The following ZDHHC14 variants were observed in gnomAD, a reference collection of about 807,000 sequenced individuals.
The protein encoded by ZDHHC14 is zDHHC palmitoyltransferase 14, also known as palmitoyltransferase ZDHHC14.
Under a neutral mutation model 47.7 loss-of-function variants are expected in ZDHHC14, and 16 were observed. The observed-to-expected ratio is 0.34, with a 90% CI of 0.23 to 0.51. ZDHHC14 has a LOEUF of 0.51. Among genes scored for constraint, ZDHHC14 ranks in the 20% least tolerant of loss-of-function variants. ZDHHC14 has a pLI of 0.97. For synonymous variants in ZDHHC14, 293 were observed against 278.9 expected, an observed-to-expected ratio of 1.05 and a Z score of -0.50; for missense variants, 515 against 662.5, an observed-to-expected ratio of 0.78 and a Z score of 2.44.
At chr6:157,537,443 A>G (rs973070767) in intron 1 of ZDHHC14, among the ~76,000 whole-genome samples, 2 of 152,230 alleles carry the variant, frequency 1.3e-5, no homozygotes, top group African/African-American at 2.4e-5. Context: ...TTGCTGATGT[A>G]TATGATTGGA....
chr6:157,523,407 T>G (rs1383319941), intron 1 of ZDHHC14, among the ~76,000 whole-genome samples: 1 of 152,164 alleles, frequency 6.6e-6, no homozygotes, highest in Non-Finnish European at 1.5e-5. Context: ...TTCCTTTTTG[T>G]GTATCCTCTT....
chr6:157,641,807 C>T (rs767815909), intron 5 of ZDHHC14, among the ~76,000 whole-genome samples: 4 of 152,178 alleles, frequency 2.6e-5, no homozygotes, highest in South Asian at 2.1e-4. Flanking sequence ...GTGTTTCTTA[C>T]GTTTGGTGCA....
intron 1 of ZDHHC14, among the ~76,000 whole-genome samples, chr6:157,479,645 G>A (rs1319406384): frequency 3.9e-5 from 6 of 152,236 alleles, no homozygotes; most frequent in Non-Finnish European, 7.3e-5. Flanking sequence ...TCTCAAAGGT[G>A]TAAACAGAAG....
At chr6:157,625,754 T>C (rs1157188965) in intron 3 of ZDHHC14, among the ~76,000 whole-genome samples, 3 of 151,972 alleles carry the variant, frequency 2.0e-5, no homozygotes, top group African/African-American at 7.3e-5. Flanking sequence ...ATGAAAAATA[T>C]TCAGTAGGAT....
intron 1 of ZDHHC14, among the ~76,000 whole-genome samples, chr6:157,465,858 A>G (rs1287998831): frequency 6.6e-6 from 1 of 152,112 alleles, no homozygotes; most frequent in East Asian, 1.9e-4. Flanking sequence ...CCTGGCCCAC[A>G]CGGCGAAACC....
chr6:157,384,564 A>G (rs757080583), intron 1 of ZDHHC14, among the ~76,000 whole-genome samples: 6 of 152,114 alleles, frequency 3.9e-5, no homozygotes, highest in Non-Finnish European at 8.8e-5. Context: ...TTTGCTCTCC[A>G]TGGTTGTTGC....
chr6:157,469,087 G>A (rs1779293401), intron 1 of ZDHHC14, among the ~76,000 whole-genome samples: 1 of 152,192 alleles, frequency 6.6e-6, no homozygotes, highest in Admixed American at 6.5e-5. Flanking sequence ...AGGTGAATCT[G>A]GCAGCAGAAT....
chr6:157,414,366 C>G (rs1777932046), intron 1 of ZDHHC14, among the ~76,000 whole-genome samples: 1 of 152,200 alleles, frequency 6.6e-6, no homozygotes. Context: ...CCCCAGTGAT[C>G]TCAGGTTCTA....
intron 1 of ZDHHC14, among the ~76,000 whole-genome samples, chr6:157,417,232 C>G (rs968390675): frequency 6.1e-4 from 93 of 152,122 alleles, no homozygotes; most frequent in African/African-American, 2.2e-3. Context: ...CTGTATGCTC[C>G]TTAGTTCCAG....
rs1777203159 is a variant in ZDHHC14, at chr6:157,381,273, G to A, written c.-749G>A. The A allele has an allele frequency of 6.6e-6, 1 of 152,248 alleles. No individual in the cohort carries two copies. Among genetic ancestry groups the A allele is most frequent in the Non-Finnish European group, 1.5e-5 (1 of 68,698 alleles). 9.4% of individuals were successfully genotyped at this position (152,248 alleles called of 1,614,324 possible). ...CTTCCTCCGGGTAGGAGGGAGCAAG[G>A]GAGCCCTCGCCGCGCGGCCCGCGAG... is the stretch of plus-strand genomic sequence containing the variant. On this transcript the variant is annotated 5_prime_UTR_variant, in exon 1 of 9. Coordinates refer to ENST00000359775, the MANE Select transcript of ZDHHC14 (RefSeq NM_024630.3).
chr6:157,617,021 C>T (rs1040018956), intron 3 of ZDHHC14, among the ~76,000 whole-genome samples: 1 of 152,118 alleles, frequency 6.6e-6, no homozygotes, highest in Non-Finnish European at 1.5e-5. Flanking sequence ...GGCGGAAAGC[C>T]AAGCACCATC....
At chr6:157,624,679 CACTA>C (rs561774846) in intron 3 of ZDHHC14, among the ~76,000 whole-genome samples, 90 of 152,326 alleles carry the variant, frequency 5.9e-4, no homozygotes, top group African/African-American at 2.1e-3. Context: ...CTTTGCGATA[CACTA>C]ACTGTGTGAC....
At chr6:157,500,301 G>C (rs1780165894) in intron 1 of ZDHHC14, among the ~76,000 whole-genome samples, 1 of 152,312 alleles carries the variant, frequency 6.6e-6, no homozygotes, top group South Asian at 2.1e-4. Flanking sequence ...GAGAACAAGA[G>C]AGTGAGTGGG....
chr6:157,560,790 G>A (rs1256908254), intron 2 of ZDHHC14, among the ~76,000 whole-genome samples: 1 of 152,188 alleles, frequency 6.6e-6, no homozygotes, highest in Non-Finnish European at 1.5e-5. Context: ...GGGGCTTTGT[G>A]TTTTCATCTG....
rs147948732 is a variant in ZDHHC14 at position 157,418,858 on chromosome 6, G to A, written c.245+36592G>A. Among the ~76,000 whole-genome samples, 6 of 152,310 alleles carry A rather than the reference G, an allele frequency of 3.9e-5. No homozygotes were observed. In the East Asian group the frequency reaches 1.2e-3, roughly 29 times the overall value. ...GTCAGAGCCCCACACATATGTCCAAGATAAGGCTATTTAAAGACAGAGTTA... is the reference window on the plus strand; with the variant it reads ...GTCAGAGCCCCACACATATGTCCAAAATAAGGCTATTTAAAGACAGAGTTA... On this transcript the variant is annotated intron_variant, in intron 1 of 8. Transcript: ENST00000359775.
chr6:157,640,065 C>T (rs559125876), intron 5 of ZDHHC14, among the ~76,000 whole-genome samples: 1 of 152,260 alleles, frequency 6.6e-6, no homozygotes, highest in South Asian at 2.1e-4. Context: ...CTTGGCTTCT[C>T]CGATTCGCGG....
intron 1 of ZDHHC14, among the ~76,000 whole-genome samples, chr6:157,418,252 T>C (rs1432672268): frequency 6.6e-6 from 1 of 152,210 alleles, no homozygotes; most frequent in Admixed American, 6.5e-5. Context: ...TAGAGGTCAG[T>C]TTTTACACTT....
At chr6:157,603,046 C>T (rs1370315909) in intron 3 of ZDHHC14, among the ~76,000 whole-genome samples, 1 of 152,204 alleles carries the variant, frequency 6.6e-6, no homozygotes, top group Admixed American at 6.5e-5. Flanking sequence ...CCATCGTCCC[C>T]CTGGGTGTCT....
chr6:157,668,255 C>A (rs1162907105), intron 8 of ZDHHC14, among the ~76,000 whole-genome samples: 1 of 152,154 alleles, frequency 6.6e-6, no homozygotes, highest in African/African-American at 2.4e-5. Context: ...CATAGCTAGA[C>A]TTAGATAGAC....
Sources: allele counts gnomAD v4.1 joint callset (sites outside exome capture counted in the v4.1 genomes callset), GRCh38; gene constraint gnomAD v4.1.1; transcripts MANE v1.5; gene names NCBI Gene and HGNC (gene_info 2026-07-23, HGNC 2026-07-21).